Variants in CADM2 observed in about 807,000 individuals in gnomAD.
CADM2 encodes the protein immunoglobulin superfamily member 4D.
A neutral mutation model predicts 49.8 loss-of-function variants in CADM2; 12 were observed. The observed-to-expected ratio is 0.24, with a 90% CI of 0.15 to 0.39. The LOEUF is 0.39. Ranked by LOEUF, CADM2 falls within the 10% of genes least tolerant of loss-of-function variation. The pLI, the probability that CADM2 is intolerant of heterozygous loss-of-function variation, is 1.00. For missense variants in CADM2, 378 were observed against 492.3 expected, an observed-to-expected ratio of 0.77 and a Z score of 2.20; for synonymous variants, 214 against 175.4, an observed-to-expected ratio of 1.22 and a Z score of -1.74.
Position 85,861,825 on chromosome 3 carries a change from A to G in CADM2, c.239-21466A>G, listed in dbSNP as rs181114436. Among the ~76,000 whole-genome samples, 556 of 152,126 alleles carry G rather than the reference A, an allele frequency of 3.7e-3. 3 individuals are homozygous for G. Among genetic ancestry groups the G allele is most frequent in the Non-Finnish European group, 5.0e-3 (342 of 67,958 alleles). ...ATATTTTGCATTTTTTATAATTTATATTTCTTTTAATAAGATAAAGCATTC... is the reference window on the plus strand; with the variant it reads ...ATATTTTGCATTTTTTATAATTTATGTTTCTTTTAATAAGATAAAGCATTC... On this transcript the variant is annotated intron_variant, in intron 3 of 9. Transcript: ENST00000383699.
At chr3:85,543,709 G>A (rs2061602886) in intron 1 of CADM2, among the ~76,000 whole-genome samples, 1 of 152,100 alleles carries the variant, frequency 6.6e-6, no homozygotes, top group Non-Finnish European at 1.5e-5. Flanking sequence ...TCAAGGTGTT[G>A]GCATCCAGCA....
intron 1 of CADM2, among the ~76,000 whole-genome samples, chr3:85,686,390 T>C (rs2066216509): frequency 6.6e-6 from 1 of 152,046 alleles, no homozygotes; most frequent in African/African-American, 2.4e-5. Flanking sequence ...CCTAAAAATG[T>C]TAATGAAAAT....
intron 1 of CADM2, among the ~76,000 whole-genome samples, chr3:85,693,525 A>T (rs2066451964): frequency 6.9e-6 from 1 of 144,288 alleles, no homozygotes; most frequent in African/African-American, 2.6e-5. Context: ...GCTTGCAGTG[A>T]GCCGAGATAG....
chr3:85,228,392 A>G (rs1435780376), intron 1 of CADM2, among the ~76,000 whole-genome samples: 2 of 151,642 alleles, frequency 1.3e-5, no homozygotes, highest in East Asian at 3.9e-4. Context: ...AGTCACTGAT[A>G]ACCCTTCTTC....
chr3:85,007,198 C>T (rs149273103), intron 1 of CADM2, among the ~76,000 whole-genome samples: 2 of 152,110 alleles, frequency 1.3e-5, no homozygotes, highest in Non-Finnish European at 2.9e-5. Flanking sequence ...AAAAAATTCT[C>T]GAATCAGGTA....
At chr3:85,359,666 A>ATATATATTTTTTTTTTTTTT in intron 1 of CADM2, among the ~76,000 whole-genome samples, 1 of 26,544 alleles carries the variant, frequency 3.8e-5, no homozygotes, top group African/African-American at 1.1e-4. Flanking sequence ...ATATATATAT[A>ATATATATTTTTTTTTTTTTT]TTTTTTTTTT....
intron 1 of CADM2, among the ~76,000 whole-genome samples, chr3:85,132,603 T>G (rs2039267866): frequency 1.3e-5 from 2 of 151,450 alleles, no homozygotes; most frequent in African/African-American, 4.8e-5. Context: ...TAAATTTAGT[T>G]TTGAAATATA....
intron 1 of CADM2, among the ~76,000 whole-genome samples, chr3:85,454,246 G>A (rs187693128): frequency 3.0e-4 from 45 of 152,090 alleles, no homozygotes; most frequent in African/African-American, 9.9e-4. Context: ...AAGGAGAATC[G>A]CTTGAACCCG....
chr3:85,158,174 T>C (rs2040200455), intron 1 of CADM2, among the ~76,000 whole-genome samples: 1 of 152,078 alleles, frequency 6.6e-6, no homozygotes, highest in African/African-American at 2.4e-5. Context: ...TGGCAATCAT[T>C]AAAAAGTCAG....
At chr3:85,404,034 A>G (rs940803634) in intron 1 of CADM2, among the ~76,000 whole-genome samples, 1 of 152,188 alleles carries the variant, frequency 6.6e-6, no homozygotes, top group African/African-American at 2.4e-5. Flanking sequence ...ATATGTAGAT[A>G]TATGACATAC....
chr3:85,242,327 A>G (rs958475933), intron 1 of CADM2, among the ~76,000 whole-genome samples: 2 of 147,234 alleles, frequency 1.4e-5, no homozygotes, highest in Non-Finnish European at 3.0e-5. Flanking sequence ...TGAAGGGGTG[A>G]AAAAAAACAG....
chr3:85,415,635 A>G (rs1456057916), intron 1 of CADM2, among the ~76,000 whole-genome samples: 2 of 152,154 alleles, frequency 1.3e-5, no homozygotes, highest in Non-Finnish European at 2.9e-5. Flanking sequence ...TGCACTTTAC[A>G]AGATTTTCCT....
chr3:84,992,151 G>A (rs1275216052), intron 1 of CADM2, among the ~76,000 whole-genome samples: 1 of 152,136 alleles, frequency 6.6e-6, no homozygotes, highest in Non-Finnish European at 1.5e-5. Flanking sequence ...TATGGACTCT[G>A]GTGGAGGATG....
intron 1 of CADM2, among the ~76,000 whole-genome samples, chr3:85,232,413 C>T (rs927830190): frequency 1.4e-4 from 22 of 152,046 alleles, no homozygotes; most frequent in African/African-American, 4.6e-4. Context: ...CTTATTTGTT[C>T]CTGGCTAATC....
chr3:85,184,680 A>G (rs2041012357), intron 1 of CADM2, among the ~76,000 whole-genome samples: 1 of 152,090 alleles, frequency 6.6e-6, no homozygotes, highest in African/African-American at 2.4e-5. Context: ...CATGAGAGAT[A>G]AACACCTAAA....
intron 1 of CADM2, among the ~76,000 whole-genome samples, chr3:85,045,920 T>G (rs1297457533): frequency 6.6e-6 from 1 of 152,116 alleles, no homozygotes; most frequent in Non-Finnish European, 1.5e-5. Context: ...CTTCCCTAAG[T>G]AGACATCTTA....
chr3:85,598,125 C>A (rs1192486497), intron 1 of CADM2, among the ~76,000 whole-genome samples: 2 of 151,936 alleles, frequency 1.3e-5, no homozygotes, highest in Non-Finnish European at 2.9e-5. Flanking sequence ...AAATATTTGT[C>A]ATTCTTTCTC....
chr3:85,373,197 G>T (rs2033376072), intron 1 of CADM2, among the ~76,000 whole-genome samples: 1 of 152,150 alleles, frequency 6.6e-6, no homozygotes, highest in South Asian at 2.1e-4. Flanking sequence ...TTATTTTCTA[G>T]ATACGATGGG....
At chr3:85,781,038 A>G (rs2070614997) in intron 2 of CADM2, among the ~76,000 whole-genome samples, 1 of 152,080 alleles carries the variant, frequency 6.6e-6, no homozygotes, top group Non-Finnish European at 1.5e-5. Context: ...AAGTCCCCAA[A>G]AGCAGATGGC....
Sources: allele counts gnomAD v4.1 joint callset (sites outside exome capture counted in the v4.1 genomes callset), GRCh38; gene constraint gnomAD v4.1.1; transcripts MANE v1.5; gene names NCBI Gene and HGNC (gene_info 2026-07-23, HGNC 2026-07-21).